The following CACNA2D3 variants were observed in gnomAD, a reference collection of about 807,000 sequenced individuals.
The protein encoded by CACNA2D3 is voltage-dependent calcium channel subunit alpha-2/delta-3.
Under a neutral mutation model 160.6 loss-of-function variants are expected in CACNA2D3, and 60 were observed. That is an observed-to-expected ratio of 0.37 (90% CI 0.30 to 0.46). CACNA2D3 has a LOEUF of 0.46. Among genes scored for constraint, CACNA2D3 ranks in the 20% least tolerant of loss-of-function variants. CACNA2D3 has a pLI of 1.00. For synonymous variants in CACNA2D3, 558 were observed against 492.9 expected (o/e 1.13, Z -1.75); for missense variants, 1,205 against 1,365.0 (o/e 0.88, Z 1.85).
chr3:54,489,561 C>G (rs1021640481), intron 4 of CACNA2D3, among the ~76,000 whole-genome samples: 1 of 152,212 alleles, frequency 6.6e-6, no homozygotes, highest in South Asian at 2.1e-4. Context: ...GGAAACTTGA[C>G]TATAATCTGG....
At chr3:54,433,452 T>C (rs1559479934) in intron 4 of CACNA2D3, among the ~76,000 whole-genome samples, 3 of 152,252 alleles carry the variant, frequency 2.0e-5, no homozygotes, top group Non-Finnish European at 4.4e-5. Context: ...TTTTGGCTTT[T>C]GTAAAATTAA....
chr3:55,018,154 T>TTGAGCCTGTTTG (rs1279286363), intron 34 of CACNA2D3, 52 bp from the exon 35 acceptor site: 4 of 1,178,948 alleles, frequency 3.4e-6, no homozygotes, highest in African/African-American at 1.5e-5. Flanking sequence ...AGTCACAATT[T>TTGAGCCTGTTTG]TGAGCCTGTG....
At chr3:54,937,343 A>G (rs908449788) in intron 27 of CACNA2D3, among the ~76,000 whole-genome samples, 15 of 152,174 alleles carry the variant, frequency 9.9e-5, no homozygotes, top group African/African-American at 3.6e-4. Flanking sequence ...AATTCATTAT[A>G]CCACTATGCA....
chr3:54,481,032 G>T (rs1193525605), intron 4 of CACNA2D3, among the ~76,000 whole-genome samples: 1 of 152,294 alleles, frequency 6.6e-6, no homozygotes, highest in Non-Finnish European at 1.5e-5. Context: ...CTTTGTCTCT[G>T]TTGGGGAGAA....
chr3:54,211,007 C>T (rs763732221), intron 2 of CACNA2D3, among the ~76,000 whole-genome samples: 39 of 152,128 alleles, frequency 2.6e-4, no homozygotes, highest in Non-Finnish European at 4.6e-4. Context: ...ATGTCTTAAG[C>T]GTCAAACAGG....
chr3:54,821,653 T>G lies in CACNA2D3; in HGVS notation c.1398+4783T>G, dbSNP rs957837252. Among the ~76,000 whole-genome samples, 30 of 62,370 alleles carry G rather than the reference T, an allele frequency of 4.8e-4. No individual in the cohort carries two copies. The East Asian group carries it at 7.4e-3, about 15-fold the overall frequency. 40.9% of individuals were successfully genotyped at this position (62,370 alleles called of 152,430 possible). A position where few individuals can be genotyped will look rare whatever the true frequency, so the allele number is the denominator to read the frequency against. ...TCTAGAGTCTTTCGTTCTTTCTTTCTTTCTTTCTTTCTTTCTTTCTTTCTT... is the reference window on the plus strand; with the variant it reads ...TCTAGAGTCTTTCGTTCTTTCTTTCGTTCTTTCTTTCTTTCTTTCTTTCTT... On this transcript the variant is annotated intron_variant, in intron 14 of 37. Transcript: ENST00000474759.
At chr3:54,429,649 A>C (rs548787768) in intron 4 of CACNA2D3, among the ~76,000 whole-genome samples, 1 of 152,152 alleles carries the variant, frequency 6.6e-6, no homozygotes, top group Non-Finnish European at 1.5e-5. Context: ...TCTGTAGACA[A>C]CTGGACTGCG....
At chr3:54,424,769 C>A (rs942371917) in intron 4 of CACNA2D3, among the ~76,000 whole-genome samples, 1 of 152,198 alleles carries the variant, frequency 6.6e-6, no homozygotes, top group African/African-American at 2.4e-5. Context: ...CCCATCCCCA[C>A]ATCCTGTATT....
At chr3:54,587,313 T>C (rs1283755774) in intron 9 of CACNA2D3, among the ~76,000 whole-genome samples, 1 of 152,032 alleles carries the variant, frequency 6.6e-6, no homozygotes, top group Non-Finnish European at 1.5e-5. Flanking sequence ...TCCCAGCACT[T>C]TGGGAGGCCG....
chr3:54,727,425 A>G (rs887912446), intron 11 of CACNA2D3, among the ~76,000 whole-genome samples: 9 of 152,252 alleles, frequency 5.9e-5, no homozygotes, highest in Non-Finnish European at 1.2e-4. Flanking sequence ...CCAAAAGATT[A>G]TAAATCATTC....
Position 54,476,083 on chromosome 3 carries a change from G to C in CACNA2D3, c.382-27409G>C, listed in dbSNP as rs920439501. Among the ~76,000 whole-genome samples the C allele has an allele frequency of 3.5e-5, 5 of 144,786 alleles. No homozygotes were observed. The South Asian group carries it at 8.7e-4, about 25-fold the overall frequency. The allele number at this position is 144,786 out of a possible 152,430, so 95.0% of individuals were successfully genotyped here. A position where few individuals can be genotyped will look rare whatever the true frequency, so the allele number is the denominator to read the frequency against. On this transcript the variant is annotated intron_variant, in intron 4 of 37. Transcript: ENST00000474759. ...TTTTTTAGATTTCACATATAAGTGAGATCATGCAGTATTTGTCTTTCTGTG... is the reference window on the plus strand; with the variant it reads ...TTTTTTAGATTTCACATATAAGTGACATCATGCAGTATTTGTCTTTCTGTG...
intron 27 of CACNA2D3, chr3:54,928,009 T>TAAA: frequency 8.9e-7 from 1 of 1,125,628 alleles, no homozygotes; most frequent in Non-Finnish European, 1.3e-6. Flanking sequence ...AGCCCAGCTT[T>TAAA]ACATTCAGTC....
intron 3 of CACNA2D3, among the ~76,000 whole-genome samples, chr3:54,335,398 A>G (rs534431762): frequency 1.3e-5 from 2 of 152,332 alleles, no homozygotes; most frequent in East Asian, 3.9e-4. Flanking sequence ...CGATATGCTA[A>G]ACAAGAGGTG....
intron 2 of CACNA2D3, among the ~76,000 whole-genome samples, chr3:54,128,339 A>T (rs7636792): frequency 2.6e-5 from 4 of 152,042 alleles, no homozygotes; most frequent in Admixed American, 2.6e-4. Context: ...AAACCATCAC[A>T]CCCGGCACCT....
intron 13 of CACNA2D3, among the ~76,000 whole-genome samples, chr3:54,765,786 A>C (rs1488717542): frequency 6.6e-6 from 1 of 152,220 alleles, no homozygotes; most frequent in East Asian, 1.9e-4. Context: ...CAGACAGATC[A>C]GTAGAGTAGA....
intron 2 of CACNA2D3, among the ~76,000 whole-genome samples, chr3:54,252,304 C>T (rs1702208035): frequency 6.6e-6 from 1 of 151,998 alleles, no homozygotes; most frequent in African/African-American, 2.4e-5. Context: ...ATTAGTCATA[C>T]TATGGATATA....
chr3:54,791,697 G>A (rs1702760555), intron 13 of CACNA2D3, among the ~76,000 whole-genome samples: 1 of 152,102 alleles, frequency 6.6e-6, no homozygotes, highest in Non-Finnish European at 1.5e-5. Flanking sequence ...GTCACATTGA[G>A]ACAGATGGGA....
chr3:54,530,868 C>G (rs146854998), intron 5 of CACNA2D3, among the ~76,000 whole-genome samples: 2 of 152,224 alleles, frequency 1.3e-5, no homozygotes, highest in African/African-American at 2.4e-5. Context: ...AAGCTGTGTC[C>G]TCTTGTGGTC....
chr3:54,788,542 G>T (rs1702684836), intron 13 of CACNA2D3, among the ~76,000 whole-genome samples: 1 of 152,154 alleles, frequency 6.6e-6, no homozygotes, highest in African/African-American at 2.4e-5. Flanking sequence ...GGAAAGCCTG[G>T]GGATACTGAG....
Sources: allele counts gnomAD v4.1 joint callset (sites outside exome capture counted in the v4.1 genomes callset), GRCh38; gene constraint gnomAD v4.1.1; transcripts MANE v1.5; gene names NCBI Gene and HGNC (gene_info 2026-07-23, HGNC 2026-07-21).